RERG: variants seen among roughly 807,000 people sequenced by gnomAD.
RERG encodes the protein ras-related and estrogen-regulated growth inhibitor.
Under a neutral mutation model 23.2 loss-of-function variants are expected in RERG, and 25 were observed. That is an observed-to-expected ratio of 1.08 (90% CI 0.79 to 1.50). RERG has a LOEUF of 1.50. Ranked by LOEUF, RERG falls within the 40% of genes most tolerant of loss-of-function variation. The pLI, the probability that RERG is intolerant of heterozygous loss-of-function variation, is 0.00. For missense variants in RERG, 253 were observed against 250.1 expected (o/e 1.01, Z -0.08); for synonymous variants, 81 against 89.1 (o/e 0.91, Z 0.51).
intron 2 of RERG, among the ~76,000 whole-genome samples, chr12:15,207,260 G>A (rs1490115481): frequency 5.3e-5 from 8 of 152,094 alleles, no homozygotes; most frequent in Admixed American, 5.2e-4. Flanking sequence ...GATAGAAAGT[G>A]GGGAGGGATA....
chr12:15,109,910 A>C (rs188887068), intron 4 of RERG, among the ~76,000 whole-genome samples: 85 of 152,270 alleles, frequency 5.6e-4, no homozygotes, highest in African/African-American at 1.9e-3. Context: ...CCACCTTTTA[A>C]GTATCAGAAT....
intron 2 of RERG, among the ~76,000 whole-genome samples, chr12:15,197,461 G>C (rs560477611): frequency 6.6e-6 from 1 of 152,242 alleles, no homozygotes; most frequent in Non-Finnish European, 1.5e-5. Flanking sequence ...GCACATATGA[G>C]TTCAGGTACC....
chr12:15,144,967 T>A (rs1358231080), intron 2 of RERG, among the ~76,000 whole-genome samples: 1 of 152,224 alleles, frequency 6.6e-6, no homozygotes, highest in Non-Finnish European at 1.5e-5. Flanking sequence ...TTTACTTAAG[T>A]CTTTTTTAAC....
chr12:15,111,066 T>G (rs570126745), intron 4 of RERG: 1 of 260,772 alleles, frequency 3.8e-6, no homozygotes, highest in Non-Finnish European at 7.2e-6. Context: ...TATTAATATC[T>G]TGCTATGCCA....
chr12:15,190,403 T>C (rs1865054303), intron 2 of RERG, among the ~76,000 whole-genome samples: 1 of 152,154 alleles, frequency 6.6e-6, no homozygotes, highest in Non-Finnish European at 1.5e-5. Context: ...GGCTATATGC[T>C]GTGCACAGGC....
intron 2 of RERG, among the ~76,000 whole-genome samples, chr12:15,186,950 G>A (rs2136132239): frequency 6.6e-6 from 1 of 152,120 alleles, no homozygotes; most frequent in South Asian, 2.1e-4. Context: ...TTGGGTGCTT[G>A]GCTTGTTTTC....
At chr12:15,214,891 A>C (rs1865419354) in intron 2 of RERG, among the ~76,000 whole-genome samples, 1 of 152,188 alleles carries the variant, frequency 6.6e-6, no homozygotes, top group Non-Finnish European at 1.5e-5. Context: ...GGTCGTTTTC[A>C]CTGAACTATG....
chr12:15,207,764 G>A (rs2136145320), intron 2 of RERG, among the ~76,000 whole-genome samples: 1 of 152,246 alleles, frequency 6.6e-6, no homozygotes, highest in East Asian at 1.9e-4. Context: ...TCAGGCATGA[G>A]TCAAGGCATG....
intron 2 of RERG, among the ~76,000 whole-genome samples, chr12:15,153,322 A>C (rs1469897534): frequency 6.6e-6 from 1 of 152,204 alleles, no homozygotes; most frequent in Admixed American, 6.5e-5. Context: ...TGTGAAGATT[A>C]CTGTTCTGGA....
At chr12:15,194,077 CTG>C (rs1186281113) in intron 2 of RERG, among the ~76,000 whole-genome samples, 1 of 152,126 alleles carries the variant, frequency 6.6e-6, no homozygotes, top group East Asian at 1.9e-4. Context: ...CTCATGAACT[CTG>C]TGCAAGAATT....
chr12:15,143,806 T>C (rs1864282568), intron 2 of RERG, among the ~76,000 whole-genome samples: 1 of 152,176 alleles, frequency 6.6e-6, no homozygotes, highest in Admixed American at 6.5e-5. Context: ...TGGAGGGATT[T>C]GATTGGTATC....
In RERG at chr12:15,172,664, A is replaced by C. The variant is rs544239199; in HGVS notation, c.61+44765T>G. ...TACTATTTTTAATTAAAGCTATCCT[A>C]GTGGGTGCAGGTGGTATCACATTGT... is the stretch of plus-strand genomic sequence containing the variant. On this transcript the variant is annotated intron_variant, in intron 2 of 4. Coordinates refer to ENST00000256953, the MANE Select transcript of RERG (RefSeq NM_032918.3). Among the ~76,000 whole-genome samples, 108 of 152,160 alleles carry C rather than the reference A, an allele frequency of 7.1e-4. 1 individual carries two copies. The South Asian group carries it at 0.022, about 31-fold the overall frequency.
intron 2 of RERG, among the ~76,000 whole-genome samples, chr12:15,153,650 C>G (rs1226834338): frequency 3.9e-5 from 6 of 152,058 alleles, no homozygotes; most frequent in Non-Finnish European, 8.8e-5. Flanking sequence ...AGCCTATCAT[C>G]TAAATATGGC....
chr12:15,188,603 A>AT (rs1311901640), intron 2 of RERG, among the ~76,000 whole-genome samples: 1 of 151,986 alleles, frequency 6.6e-6, no homozygotes, highest in Non-Finnish European at 1.5e-5. Context: ...TATTTTTCAT[A>AT]TTTAATGTAA....
intron 2 of RERG, chr12:15,152,127 T>C (rs773253245): frequency 6.6e-6 from 1 of 152,212 alleles, no homozygotes; most frequent in African/African-American, 2.4e-5. Flanking sequence ...GAAGGGAATA[T>C]TGCCCACAGA....
chr12:15,209,965 C>A (rs904804224), intron 2 of RERG, among the ~76,000 whole-genome samples: 3 of 152,278 alleles, frequency 2.0e-5, no homozygotes, highest in Non-Finnish European at 4.4e-5. Flanking sequence ...TTTATTCATG[C>A]TGAAATTATC....
chr12:15,109,798 A>C (rs1428819393), intron 4 of RERG, among the ~76,000 whole-genome samples: 2 of 152,158 alleles, frequency 1.3e-5, no homozygotes, highest in South Asian at 2.1e-4. Flanking sequence ...GTAATCATAA[A>C]AACTAAAAAG....
intron 3 of RERG, among the ~76,000 whole-genome samples, chr12:15,113,894 C>T (rs1042566695): frequency 4.6e-5 from 7 of 151,906 alleles, no homozygotes; most frequent in Non-Finnish European, 7.4e-5. Flanking sequence ...TTATATAATA[C>T]TATATAACAT....
At chr12:15,137,734 G>T in intron 2 of RERG, 1 of 340,960 alleles carries the variant, frequency 2.9e-6, no homozygotes, top group Non-Finnish European at 5.7e-6. Context: ...ACTTATACAT[G>T]AGCAATTATA....
Sources: allele counts gnomAD v4.1 joint callset (sites outside exome capture counted in the v4.1 genomes callset), GRCh38; gene constraint gnomAD v4.1.1; transcripts MANE v1.5; gene names NCBI Gene and HGNC (gene_info 2026-07-23, HGNC 2026-07-21).